The following CNOT1 variants were observed in gnomAD, a reference collection of about 807,000 sequenced individuals.
The protein encoded by CNOT1 is CCR4-NOT transcription complex subunit 1.
A neutral mutation model predicts 273.8 loss-of-function variants in CNOT1; 15 were observed. The ratio of observed to expected loss-of-function variants is 0.05; its 90% CI spans 0.04 to 0.08. The LOEUF (loss-of-function observed/expected upper bound fraction) is 0.08. CNOT1 is among the 10% of genes least tolerant of loss of function. CNOT1 has a pLI of 1.00. For missense variants in CNOT1, 1,644 were observed against 2,912.2 expected, an observed-to-expected ratio of 0.56 and a Z score of 10.02; for synonymous variants, 1,022 against 1,005.5, an observed-to-expected ratio of 1.02 and a Z score of -0.31.
chr16:58,596,503 A>G (rs888129842), intron 2 of CNOT1, among the ~76,000 whole-genome samples: 4 of 152,152 alleles, frequency 2.6e-5, no homozygotes, highest in African/African-American at 9.6e-5. Context: ...CCAGCAAGGT[A>G]GGAAAAAAAA....
At chr16:58,581,543 G>T (rs778986091) in intron 10 of CNOT1, 28 bp from the exon 11 acceptor site, 61 of 1,578,362 alleles carry the variant, frequency 3.9e-5, no homozygotes, top group Non-Finnish European at 5.2e-5. Flanking sequence ...AGTTTAAAAT[G>T]TAATGAATGT....
At chr16:58,587,748 A>G (rs760011435) in intron 4 of CNOT1, 32 bp downstream of exon 4, 2 of 1,604,746 alleles carry the variant, frequency 1.2e-6, no homozygotes, top group East Asian at 2.2e-5. Context: ...CTAAGGAGAG[A>G]TCACACTCTT....
intron 10 of CNOT1, 141 bp downstream of exon 10, chr16:58,582,652 G>A (rs373059989): frequency 7.3e-5 from 43 of 586,886 alleles, no homozygotes; most frequent in Non-Finnish European, 1.1e-4. Flanking sequence ...ATTTGGTTAC[G>A]TACTGCCTGC....
At chr16:58,626,703 T>A (rs1262829498) in intron 1 of CNOT1, among the ~76,000 whole-genome samples, 1 of 151,330 alleles carries the variant, frequency 6.6e-6, no homozygotes, top group African/African-American at 2.4e-5. Context: ...GAGGTTGTAG[T>A]GAGCTGAGAT....
intron 1 of CNOT1, among the ~76,000 whole-genome samples, chr16:58,600,686 C>T (rs1304830122): frequency 1.3e-5 from 2 of 152,196 alleles, no homozygotes; most frequent in Non-Finnish European, 2.9e-5. Flanking sequence ...ATTGCTGAAA[C>T]TGTTCCCTGG....
intron 6 of CNOT1, 94 bp from the exon 7 acceptor site, chr16:58,586,842 T>C: frequency 1.5e-6 from 2 of 1,351,768 alleles, no homozygotes; most frequent in Middle Eastern, 2.6e-4. Flanking sequence ...ATCACCCTTC[T>C]CATTCACCAG....
At chr16:58,605,062 G>A (rs2152020871) in intron 1 of CNOT1, among the ~76,000 whole-genome samples, 2 of 152,232 alleles carry the variant, frequency 1.3e-5, no homozygotes, top group South Asian at 4.1e-4. Context: ...CATGAACCTG[G>A]GAGGCGGAGA....
intron 1 of CNOT1, among the ~76,000 whole-genome samples, chr16:58,602,553 C>CAAAAAAAAAA (rs60230860): frequency 1.9e-4 from 11 of 57,974 alleles, no homozygotes; most frequent in African/African-American, 8.2e-4. Context: ...ACTCTGTCTC[C>CAAAAAAAAAA]AAAAAAAAAA....
chr16:58,549,377 G>GA (rs1166778974), intron 25 of CNOT1, among the ~76,000 whole-genome samples: 9 of 145,892 alleles, frequency 6.2e-5, no homozygotes, highest in East Asian at 2.0e-4. Flanking sequence ...AAAAGTAAGT[G>GA]AAAAAAAAAG....
At chr16:58,536,149 A>G (rs1734168039) in intron 39 of CNOT1, among the ~76,000 whole-genome samples, 1 of 152,186 alleles carries the variant, frequency 6.6e-6, no homozygotes, top group South Asian at 2.1e-4. Context: ...AATATACCTA[A>G]AAGTTTTGGG....
At chr16:58,620,718 T>TTTGTC (rs1266899136) in intron 1 of CNOT1, among the ~76,000 whole-genome samples, 1 of 148,560 alleles carries the variant, frequency 6.7e-6, no homozygotes, top group Non-Finnish European at 1.5e-5. Context: ...TTAACAGTCT[T>TTTGTC]TTGACTATAA....
chr16:58,520,928 C>CT lies in CNOT1; in HGVS notation c.*29dup. 6.2e-7 allele frequency: 1 copy of CT among 1,606,326 alleles called. No homozygotes were observed. Among genetic ancestry groups the CT allele is most frequent in the Non-Finnish European group, 8.5e-7 (1 of 1,176,634 alleles). On this transcript the variant is annotated 3_prime_UTR_variant, in exon 49 of 49. Transcript: ENST00000317147. ...AACTCGGTGCAGTGAGACCTCTAGA[C>CT]TGACACGTACAACAGAGATGCAGTT...
At chr16:58,604,341 AGAT>A (rs2042584681) in intron 1 of CNOT1, among the ~76,000 whole-genome samples, 1 of 152,224 alleles carries the variant, frequency 6.6e-6, no homozygotes, top group African/African-American at 2.4e-5. Flanking sequence ...ATTAAAGTTG[AGAT>A]TCCAAGATAT....
intron 17 of CNOT1, chr16:58,559,737 T>C (rs1233836051): frequency 8.5e-6 from 4 of 470,182 alleles, no homozygotes; most frequent in African/African-American, 2.0e-5. Context: ...CATCTGAAAA[T>C]AGAAGCGCAA....
rs747323041 is a variant in CNOT1 at position 58,560,200 on chromosome 16, G to T, written c.2130+12C>A. On this transcript the variant is annotated intron_variant, in intron 17 of 48. Transcript: ENST00000317147. ...GGCAAATGAAGATGTATCAAATGTAGCACTCATTTACCTGAACAGGAGAAA... is the reference window on the plus strand; with the variant it reads ...GGCAAATGAAGATGTATCAAATGTATCACTCATTTACCTGAACAGGAGAAA... 6.2e-7 allele frequency: 1 copy of T among 1,612,818 alleles called. No individual in the cohort carries two copies.
chr16:58,542,101 T>C lies in CNOT1; in HGVS notation c.4680+130A>G, dbSNP rs2040112014. ...CAGGCAGCCATTCAGTGAAATGCTA[T>C]CAAGTTAAGATGTTTTCTCATAAAC... On this transcript the variant is annotated intron_variant, in intron 33 of 48. Coordinates refer to ENST00000317147, the MANE Select transcript of CNOT1 (RefSeq NM_016284.5). 7.0e-6 allele frequency: 8 copies of C among 1,137,170 alleles called. No individual in the cohort carries two copies. In the South Asian group the frequency reaches 9.7e-5, roughly 14 times the overall value. The allele number at this position is 1,137,170 out of a possible 1,614,324, so 70.4% of individuals were successfully genotyped here.
At chr16:58,585,219 A>G (rs955010511) in intron 8 of CNOT1, 119 bp downstream of exon 8, 13 of 1,415,252 alleles carry the variant, frequency 9.2e-6, no homozygotes, top group Non-Finnish European at 1.1e-5. Flanking sequence ...AAAATTTAGA[A>G]GCATGCCTCT....
At position 58,530,273 on chromosome 16, in the gene CNOT1, G is replaced by C. The variant is rs1330637998; in HGVS notation, c.6252C>G (p.Leu2084=). The C allele has an allele frequency of 5.6e-6, 9 of 1,611,472 alleles. No homozygotes were observed. Among genetic ancestry groups the C allele is most frequent in the Non-Finnish European group, 7.6e-6 (9 of 1,178,222 alleles). ...YLAPFLRNVE[L]TKPMQILYKG... ...TGTAGAGGATTTGCATAGGTTTGGT[G>C]AGTTCCACATTTCTAAGGAAAGGCG... The change falls in exon 43 of 49, where the codon CTC becomes CTG. Residue 2084 remains leucine (L), a synonymous_variant. Coordinates refer to ENST00000317147, the MANE Select transcript of CNOT1 (RefSeq NM_016284.5).
At chr16:58,536,920 C>T (rs1008184585) in intron 39 of CNOT1, 69 bp downstream of exon 39, 1 of 1,575,222 alleles carries the variant, frequency 6.3e-7, no homozygotes, top group Non-Finnish European at 8.6e-7. Context: ...CAATACTGAG[C>T]TTTAATATTG....
Sources: allele counts gnomAD v4.1 joint callset (sites outside exome capture counted in the v4.1 genomes callset), GRCh38; gene constraint gnomAD v4.1.1; transcripts MANE v1.5; gene names NCBI Gene and HGNC (gene_info 2026-07-23, HGNC 2026-07-21).